Variants in SHROOM2 observed in about 807,000 individuals in gnomAD.
The protein encoded by SHROOM2 is shroom family member 2, also known as protein Shroom2.
Under a neutral mutation model 75.9 loss-of-function variants are expected in SHROOM2, and 33 were observed. The observed-to-expected ratio is 0.43, with a 90% CI of 0.33 to 0.58. The LOEUF (loss-of-function observed/expected upper bound fraction) is 0.58. SHROOM2 is among the 20% of genes least tolerant of loss of function. The pLI is 0.04. For missense variants in SHROOM2, 1,434 were observed against 1,461.2 expected, an observed-to-expected ratio of 0.98 and a Z score of 0.30; for synonymous variants, 655 against 663.6, an observed-to-expected ratio of 0.99 and a Z score of 0.20.
At chrX:9,945,197 TC>T (rs372279592) in intron 9 of SHROOM2, among the ~76,000 whole-genome samples, 9 of 111,024 alleles carry the variant, frequency 8.1e-5, no homozygotes, top group African/African-American at 3.0e-4. Context: ...AGCCTCTGCC[TC>T]CCGAGGTTCA....
intron 6 of SHROOM2, among the ~76,000 whole-genome samples, chrX:9,935,446 C>G (rs1338514216): frequency 9.0e-6 from 1 of 111,132 alleles, no homozygotes; most frequent in African/African-American, 3.3e-5. Flanking sequence ...TCCCACAGTG[C>G]TGGGATTCCA....
intron 5 of SHROOM2, among the ~76,000 whole-genome samples, chrX:9,923,108 T>G (rs2084562254): frequency 1.8e-5 from 2 of 111,861 alleles, no homozygotes; most frequent in African/African-American, 3.3e-5. Flanking sequence ...GTGGGGAGTC[T>G]GATGAATTTG....
chrX:9,945,486 G>A (rs2084810587), intron 9 of SHROOM2, among the ~76,000 whole-genome samples: 1 of 111,381 alleles, frequency 9.0e-6, no homozygotes, highest in African/African-American at 3.3e-5. Context: ...GCAGGGTTGC[G>A]GGATCTTCTC....
At chrX:9,865,261 C>G (rs1424558114) in intron 1 of SHROOM2, 1 of 112,054 alleles carries the variant, frequency 8.9e-6, no homozygotes, top group Non-Finnish European at 1.9e-5. Context: ...GTGGGATTCT[C>G]TCCTTAAAAA....
intron 1 of SHROOM2, among the ~76,000 whole-genome samples, chrX:9,813,475 C>T (rs749712937): frequency 2.7e-5 from 3 of 111,540 alleles, no homozygotes; most frequent in South Asian, 3.8e-4. Context: ...TTCCCTTTCC[C>T]CAATGCACAG....
Position 9,845,127 on chromosome X carries a change from G to A in SHROOM2, c.166-28525G>A, listed in dbSNP as rs889150376. On this transcript the variant is annotated intron_variant, in intron 1 of 9. Transcript: ENST00000380913. ...CACAGCCAGTGTATACATGAAGGTC[G>A]TGGCTGTGTTCCACTAAACCTTTAT... 4.5e-5 allele frequency among the ~76,000 whole-genome samples: 5 copies of A among 112,228 alleles called. No individual in the cohort carries two copies. In the Admixed American group the frequency reaches 4.7e-4, roughly 11 times the overall value.
chrX:9,889,504 C>T (rs149066325), intron 2 of SHROOM2, among the ~76,000 whole-genome samples: 181 of 111,538 alleles, frequency 1.6e-3, no homozygotes, highest in African/African-American at 5.4e-3. Context: ...GAAGTGAGCT[C>T]GGGAGGAGGA....
intron 1 of SHROOM2, among the ~76,000 whole-genome samples, chrX:9,858,994 A>G (rs1233850491): frequency 9.0e-6 from 1 of 111,437 alleles, no homozygotes. Context: ...TGGGTGGATC[A>G]CCTGAGGTCG....
intron 2 of SHROOM2, among the ~76,000 whole-genome samples, chrX:9,884,311 G>A (rs2084247954): frequency 2.0e-5 from 2 of 101,831 alleles, no homozygotes; most frequent in African/African-American, 7.3e-5. Flanking sequence ...GTGCTTCTTT[G>A]CTTTCTTCTA....
At chrX:9,808,841 G>T (rs764206657) in intron 1 of SHROOM2, among the ~76,000 whole-genome samples, 4 of 110,420 alleles carry the variant, frequency 3.6e-5, no homozygotes, top group South Asian at 7.8e-4. Context: ...CAGCCTGGGG[G>T]ACAAGAGTGA....
rs1250374978 is a variant in SHROOM2, at chrX:9,948,553, G to A, written c.*1616G>A. 2 of 113,299 alleles carry A rather than the reference G, an allele frequency of 1.8e-5. No homozygotes were observed. The highest frequency in any genetic ancestry group is 3.7e-5 in the Non-Finnish European group (2 of 53,441). 9.3% of individuals were successfully genotyped at this position (113,299 alleles called of 1,213,427 possible). ...GCGCGTGCACAGATGCACACACACA[G>A]ATGTCTTAAAAGACTAGAATCCACA... On this transcript the variant is annotated 3_prime_UTR_variant, in exon 10 of 10. Coordinates refer to ENST00000380913, the MANE Select transcript of SHROOM2 (RefSeq NM_001649.4).
chrX:9,898,094 G>A, intron 4 of SHROOM2, 96 bp from the exon 5 acceptor site: 1 of 720,625 alleles, frequency 1.4e-6, no homozygotes, highest in Non-Finnish European at 2.1e-6. Context: ...GAACTGCCCT[G>A]GCAAGGCAAA....
At chrX:9,917,074 A>T (rs2084496893) in intron 5 of SHROOM2, among the ~76,000 whole-genome samples, 1 of 111,578 alleles carries the variant, frequency 9.0e-6, no homozygotes, top group Non-Finnish European at 1.9e-5. Context: ...TAGGAGGTGT[A>T]GACATCCATC....
intron 1 of SHROOM2, among the ~76,000 whole-genome samples, chrX:9,816,604 G>GCTGCTGCTGCTGCTA (rs2083823814): frequency 9.2e-6 from 1 of 108,433 alleles, no homozygotes; most frequent in Non-Finnish European, 1.9e-5. Context: ...TGCTGCTGCT[G>GCTGCTGCTGCTGCTA]CTGCTGCTAC....
At chrX:9,925,280 G>A (rs754924510) in intron 5 of SHROOM2, among the ~76,000 whole-genome samples, 6 of 112,073 alleles carry the variant, frequency 5.4e-5, no homozygotes, top group Non-Finnish European at 9.4e-5. Context: ...TGGGTGTGCC[G>A]GCTCTTAGCT....
At chrX:9,809,635 CATAAAGCTGATAATACT>C (rs1358948745) in intron 1 of SHROOM2, among the ~76,000 whole-genome samples, 4 of 112,533 alleles carry the variant, frequency 3.6e-5, no homozygotes, top group Non-Finnish European at 7.5e-5. Flanking sequence ...AATACTATTA[CATAAAGCTGATAATACT>C]TAAATGCTGA....
At chrX:9,922,561 C>T (rs1390205560) in intron 5 of SHROOM2, among the ~76,000 whole-genome samples, 1 of 109,773 alleles carries the variant, frequency 9.1e-6, no homozygotes, top group Non-Finnish European at 1.9e-5. Context: ...GGGTCGTGCC[C>T]CTGGGACCCA....
chrX:9,946,600 G>A (rs965509136), intron 9 of SHROOM2, 71 bp from the exon 10 acceptor site: 2 of 1,049,880 alleles, frequency 1.9e-6, no homozygotes, highest in Admixed American at 2.9e-5. Flanking sequence ...CAAGTTGCCA[G>A]TGTCTTCAAG....
chrX:9,917,914 A>G (rs1375059600), intron 5 of SHROOM2, among the ~76,000 whole-genome samples: 1 of 112,053 alleles, frequency 8.9e-6, no homozygotes, highest in East Asian at 2.8e-4. Flanking sequence ...ATCTGTTTCT[A>G]TAGTAATTGT....
Sources: allele counts gnomAD v4.1 joint callset (sites outside exome capture counted in the v4.1 genomes callset), GRCh38; gene constraint gnomAD v4.1.1; transcripts MANE v1.5; gene names NCBI Gene and HGNC (gene_info 2026-07-23, HGNC 2026-07-21).